CCND3: variants seen among roughly 807,000 people sequenced by gnomAD.
CCND3 encodes G1/S-specific cyclin-D3.
Under a neutral mutation model 28.7 loss-of-function variants are expected in CCND3, and 9 were observed. That is an observed-to-expected ratio of 0.31 (90% CI 0.19 to 0.55). The LOEUF (loss-of-function observed/expected upper bound fraction) is 0.55. Ranked by LOEUF, CCND3 falls within the 20% of genes least tolerant of loss-of-function variation. CCND3 has a pLI of 0.93. For missense variants in CCND3, 315 were observed against 385.8 expected (o/e 0.82, Z 1.54); for synonymous variants, 164 against 163.9 (o/e 1.00, Z 0.00).
At chr6:42,023,119 T>A (rs559400986) in intron 1 of CCND3, among the ~76,000 whole-genome samples, 5 of 152,202 alleles carry the variant, frequency 3.3e-5, no homozygotes, top group Admixed American at 2.0e-4. Context: ...AAAATTTGAG[T>A]CACCCAACAT....
upstream of CCND3, among the ~76,000 whole-genome samples, chr6:41,942,504 A>G (rs1243635771): frequency 6.6e-6 from 1 of 152,118 alleles, no homozygotes; most frequent in Non-Finnish European, 1.5e-5. Flanking sequence ...CTAAGTCAGC[A>G]TATAACAGAA....
At chr6:41,955,361 T>C (rs1209861620) in intron 1 of CCND3, among the ~76,000 whole-genome samples, 1 of 152,122 alleles carries the variant, frequency 6.6e-6, no homozygotes, top group African/African-American at 2.4e-5. Context: ...GTGATTAAGT[T>C]GACTGTATAC....
intron 1 of CCND3, among the ~76,000 whole-genome samples, chr6:42,030,670 G>C (rs906618442): frequency 6.6e-6 from 1 of 152,192 alleles, no homozygotes; most frequent in African/African-American, 2.4e-5. Flanking sequence ...TGTGTTCCCA[G>C]GCCTTCCTGG....
At chr6:41,942,818 C>T (rs1270446673), upstream of CCND3, among the ~76,000 whole-genome samples, 1 of 151,778 alleles carries the variant, frequency 6.6e-6, no homozygotes, top group African/African-American at 2.4e-5. Context: ...CTACTGGGGT[C>T]CTCCTGACTT....
At chr6:41,965,390 C>T (rs776657446) in intron 1 of CCND3, among the ~76,000 whole-genome samples, 11 of 152,102 alleles carry the variant, frequency 7.2e-5, no homozygotes, top group Non-Finnish European at 1.3e-4. Flanking sequence ...TTCTAAGACC[C>T]ATAGCCAGTA....
At chr6:41,987,511 CTCTCTCTGTGTGTGTGTG>C (rs1367757790) in intron 1 of CCND3, among the ~76,000 whole-genome samples, 5 of 43,510 alleles carry the variant, frequency 1.1e-4, no homozygotes, top group African/African-American at 8.3e-4. Flanking sequence ...CTCTCTCTCT[CTCTCTCTGTGTGTGTGTG>C]TGTGTGTGTG....
At chr6:41,994,457 G>A (rs1047022517) in intron 1 of CCND3, among the ~76,000 whole-genome samples, 1 of 152,144 alleles carries the variant, frequency 6.6e-6, no homozygotes, top group African/African-American at 2.4e-5. Flanking sequence ...GTGGTTCCCA[G>A]GAATTAGGGG....
intron 1 of CCND3, among the ~76,000 whole-genome samples, chr6:41,979,782 G>C (rs971625212): frequency 6.6e-6 from 1 of 151,604 alleles, no homozygotes; most frequent in Non-Finnish European, 1.5e-5. Context: ...TGGGGAAGGT[G>C]GGTGTTGAGA....
chr6:41,951,825 C>A (rs1776326780), intron 1 of CCND3, among the ~76,000 whole-genome samples: 1 of 151,796 alleles, frequency 6.6e-6, no homozygotes, highest in Non-Finnish European at 1.5e-5. Context: ...GTGGTGTGAT[C>A]TCAGCTCACT....
chr6:41,978,634 G>A (rs1762246414), intron 1 of CCND3, among the ~76,000 whole-genome samples: 2 of 152,086 alleles, frequency 1.3e-5, no homozygotes, highest in Non-Finnish European at 2.9e-5. Flanking sequence ...AGGTGTTGGG[G>A]GAAGTGTGGT....
rs565514886 is a variant in CCND3, at chr6:41,979,888, G to A, written c.-45-39303C>T. On this transcript the variant is annotated intron_variant, in intron 1 of 4. Coordinates refer to the CCND3 transcript ENST00000372988. ...TGGTCTCAAGTGATCCCCCTGCCTC[G>A]GCCCCCTAGAGTGCTGGCATTACAG... Among the ~76,000 whole-genome samples, 17 of 151,424 alleles carry A rather than the reference G, an allele frequency of 1.1e-4. No individual in the cohort carries two copies. The South Asian group carries it at 2.7e-3, about 24-fold the overall frequency.
At chr6:41,968,552 C>A (rs1322890873) in intron 1 of CCND3, among the ~76,000 whole-genome samples, 1 of 152,010 alleles carries the variant, frequency 6.6e-6, no homozygotes, top group Non-Finnish European at 1.5e-5. Context: ...GGTACTCCAG[C>A]CTGGGTGACA....
At chr6:41,988,346 C>T (rs1762546398) in intron 1 of CCND3, among the ~76,000 whole-genome samples, 1 of 152,046 alleles carries the variant, frequency 6.6e-6, no homozygotes, top group South Asian at 2.1e-4. Context: ...AACAGTATTT[C>T]TCATTCTTAC....
chr6:42,038,998 G>A lies in CCND3; in HGVS notation c.-46+9503C>T, dbSNP rs146842448. Among the ~76,000 whole-genome samples the A allele has an allele frequency of 3.1e-3, 475 of 152,236 alleles. 1 individual carries two copies. The highest frequency in any genetic ancestry group is 0.011 in the African/African-American group (449 of 41,538). Reference sequence around the variant, plus strand: ...GAATTCCTAAATGTGCATATTTAACGGTCATAAATTCAGTTATATCTACTG... The same window carrying A: ...GAATTCCTAAATGTGCATATTTAACAGTCATAAATTCAGTTATATCTACTG... On this transcript the variant is annotated intron_variant, in intron 1 of 4. Transcript: ENST00000372988.
chr6:42,000,234 C>CGTTTTTTTTTTTTTTTT lies in CCND3; in HGVS notation c.-46+48266_-46+48267insAAAAAAAAAAAAAAAAC. Reference sequence around the variant, plus strand: ...AGTCTCGTGGAAATTTGAAAACATACTTTTTTTTTTTTTTTTTTTTTTTTT... The same window carrying CGTTTTTTTTTTTTTTTT: ...AGTCTCGTGGAAATTTGAAAACATACGTTTTTTTTTTTTTTTTTTTTTTTTTTTTTTTTTTTTTTTTT... On this transcript the variant is annotated intron_variant, in intron 1 of 4. Coordinates refer to the CCND3 transcript ENST00000372988. Among the ~76,000 whole-genome samples, 39 of 51,012 alleles carry CGTTTTTTTTTTTTTTTT rather than the reference C, an allele frequency of 7.6e-4. 3 individuals carry two copies. Among genetic ancestry groups the CGTTTTTTTTTTTTTTTT allele is most frequent in the South Asian group, 2.2e-3 (2 of 918 alleles). 33.5% of individuals were successfully genotyped at this position (51,012 alleles called of 152,430 possible).
intron 1 of CCND3, among the ~76,000 whole-genome samples, chr6:42,008,231 A>T (rs547239051): frequency 6.6e-6 from 1 of 152,186 alleles, no homozygotes; most frequent in East Asian, 1.9e-4. Flanking sequence ...AAATACAAAA[A>T]TTAGCTGGGT....
upstream of CCND3, among the ~76,000 whole-genome samples, chr6:41,945,284 C>T (rs147075148): frequency 0.011 from 1,678 of 152,242 alleles, 29 homozygotes; most frequent in African/African-American, 0.035. Context: ...GATGCCAAGA[C>T]GGGTGGATCA....
intron 1 of CCND3, among the ~76,000 whole-genome samples, chr6:41,982,537 C>T (rs959929492): frequency 1.3e-5 from 2 of 152,106 alleles, no homozygotes; most frequent in African/African-American, 4.8e-5. Flanking sequence ...AGCAATCTCA[C>T]TTAAAACCTC....
intron 1 of CCND3, among the ~76,000 whole-genome samples, chr6:41,969,992 C>A (rs1761992268): frequency 6.6e-6 from 1 of 151,536 alleles, no homozygotes; most frequent in Non-Finnish European, 1.5e-5. Flanking sequence ...CTGCTTAAGC[C>A]CAGGAGTTCA....
Sources: allele counts gnomAD v4.1 joint callset (sites outside exome capture counted in the v4.1 genomes callset), GRCh38; gene constraint gnomAD v4.1.1; transcripts MANE v1.5; gene names NCBI Gene and HGNC (gene_info 2026-07-23, HGNC 2026-07-21).